WFDC11: variants seen among roughly 807,000 people sequenced by gnomAD.
The protein encoded by WFDC11 is protein WFDC11.
In WFDC11, 9 loss-of-function variants were observed where a neutral mutation model predicts 9.9. The observed-to-expected ratio is 0.91, with a 90% confidence interval of 0.55 to 1.58. The LOEUF (loss-of-function observed/expected upper bound fraction) is 1.58, where lower values mean the gene tolerates loss of function less well. Among genes scored for constraint, WFDC11 ranks in the 40% most tolerant of loss-of-function variants. The probability of loss-of-function intolerance (pLI) is 0.00; values close to 1 mark genes in which losing one functional copy is unlikely to be tolerated. For synonymous variants in WFDC11, 32 were observed against 33.3 expected (o/e 0.96, Z 0.13); for missense variants, 106 against 101.7 (o/e 1.04, Z -0.18).
chr20:45,648,748 C>A lies in WFDC11; in HGVS notation c.244-9G>T. 2 of 1,613,936 alleles carry A rather than the reference C, an allele frequency of 1.2e-6. No homozygotes were observed. The highest frequency in any genetic ancestry group is 1.7e-6 in the Non-Finnish European group (2 of 1,179,906). ...TAATCTCCACTGGTTTCCTGTAAAACAAAAAGGTTAGATTTTTAGAGGCTA... is the reference window on the plus strand; with the variant it reads ...TAATCTCCACTGGTTTCCTGTAAAAAAAAAAGGTTAGATTTTTAGAGGCTA... On this transcript the variant is annotated splice_polypyrimidine_tract_variant and intron_variant, in intron 4 of 4. Transcript: ENST00000324384.
rs1555803261 is a variant in WFDC11, at chr20:45,650,247, TAGAG to T, written c.100+250_100+253del. On this transcript the variant is annotated intron_variant, in intron 3 of 4. Transcript: ENST00000324384. ...ACACACACATGTGTTTGTATATATA[TAGAG>T]AGAGAGAGAGAGAGACAGAGAGAGA... Among the ~76,000 whole-genome samples, 13 of 148,816 alleles carry T rather than the reference TAGAG, an allele frequency of 8.7e-5. 1 individual carries two copies. The highest frequency in any genetic ancestry group is 2.5e-4 in the African/African-American group (10 of 40,358).
chr20:45,662,645 G>C (rs953866026), intron 2 of WFDC11, among the ~76,000 whole-genome samples: 1 of 152,124 alleles, frequency 6.6e-6, no homozygotes, highest in Non-Finnish European at 1.5e-5. Flanking sequence ...TTGAATTTTT[G>C]TCAAAGGCCT....
Position 45,650,551 on chromosome 20 carries a change from C to G in WFDC11, c.50G>C (p.Cys17Ser). ...TCCCAGCACAGACAGTAGCACCGTACAGAAGAATGTCATGAGCATGGGTAT... is the reference window on the plus strand; with the variant it reads ...TCCCAGCACAGACAGTAGCACCGTAGAGAAGAATGTCATGAGCATGGGTAT... ...LWIPMLMTFF[C>S]TVLLSVLGEM... The change falls in exon 3 of 5, where the codon TGT becomes TCT. Residue 17 changes from cysteine to serine, a missense_variant. Physicochemically the swap from Cys to Ser is moderately radical, Grantham distance 112. Transcript: ENST00000324384. The G allele has an allele frequency of 6.2e-7, 1 of 1,614,120 alleles. No homozygotes were observed. Among genetic ancestry groups the G allele is most frequent in the Non-Finnish European group, 8.5e-7 (1 of 1,180,032 alleles).
chr20:45,652,484 A>C (rs997576961), intron 2 of WFDC11, among the ~76,000 whole-genome samples: 1 of 152,218 alleles, frequency 6.6e-6, no homozygotes, highest in African/African-American at 2.4e-5. Context: ...AGATGGGGGA[A>C]AAACAGAGCA....
intron 2 of WFDC11, among the ~76,000 whole-genome samples, chr20:45,659,883 T>C (rs1600940259): frequency 6.6e-6 from 1 of 152,312 alleles, no homozygotes. Flanking sequence ...CTCGAGTTGA[T>C]TTTTGTATAA....
intron 2 of WFDC11, among the ~76,000 whole-genome samples, chr20:45,660,527 T>A (rs1240963715): frequency 6.6e-6 from 1 of 152,198 alleles, no homozygotes; most frequent in East Asian, 1.9e-4. Context: ...CACTCGTCAT[T>A]TAGCATTAGG....
At position 45,650,231 on chromosome 20, in the gene WFDC11, T is replaced by C. The variant is rs867126317; in HGVS notation, c.100+270A>G. ...ATATATACACACACACACACACACA[T>C]GTGTTTGTATATATATAGAGAGAGA... On this transcript the variant is annotated intron_variant, in intron 3 of 4. Transcript: ENST00000324384. Among the ~76,000 whole-genome samples the C allele has an allele frequency of 3.7e-4, 53 of 141,492 alleles. 1 individual carries two copies. In the Middle Eastern group the frequency reaches 0.014, roughly 38 times the overall value. The allele number at this position is 141,492 out of a possible 152,430, so 92.8% of individuals were successfully genotyped here.
intron 3 of WFDC11, among the ~76,000 whole-genome samples, chr20:45,650,253 G>T (rs35706549): frequency 0.34 from 50,732 of 150,486 alleles, 8,871 homozygotes; most frequent in East Asian, 0.59. Context: ...TATATAGAGA[G>T]AGAGAGAGAG....
At chr20:45,649,444 C>A in intron 3 of WFDC11, 45 bp from the exon 4 acceptor site, 1 of 1,598,558 alleles carries the variant, frequency 6.3e-7, no homozygotes, top group South Asian at 1.1e-5. Flanking sequence ...TATGTTTCAG[C>A]CAAGAGCGGA....
At chr20:45,659,632 G>C (rs1041677544) in intron 2 of WFDC11, among the ~76,000 whole-genome samples, 6 of 152,160 alleles carry the variant, frequency 3.9e-5, no homozygotes, top group African/African-American at 1.4e-4. Flanking sequence ...CAGACGGATA[G>C]ATTGCAACAT....
chr20:45,650,215 C>T (rs1982771374), intron 3 of WFDC11, among the ~76,000 whole-genome samples: 4 of 85,458 alleles, frequency 4.7e-5, no homozygotes, highest in Admixed American at 1.7e-4. Flanking sequence ...TATATATACA[C>T]ACACACACAC....
chr20:45,663,029 G>A (rs868201276), intron 2 of WFDC11, among the ~76,000 whole-genome samples: 14 of 152,250 alleles, frequency 9.2e-5, no homozygotes, highest in Non-Finnish European at 1.3e-4. Flanking sequence ...GGTAGAATTC[G>A]GCTGTGAATC....
chr20:45,651,238 A>G (rs1397045681), intron 2 of WFDC11, among the ~76,000 whole-genome samples: 2 of 152,236 alleles, frequency 1.3e-5, no homozygotes, highest in Non-Finnish European at 2.9e-5. Flanking sequence ...GCCCAGCACT[A>G]TTATACACCA....
At chr20:45,654,046 T>C (rs540751012) in intron 2 of WFDC11, among the ~76,000 whole-genome samples, 1 of 152,210 alleles carries the variant, frequency 6.6e-6, no homozygotes, top group Non-Finnish European at 1.5e-5. Context: ...AACAAGGATT[T>C]CCAGGAATTG....
At position 45,650,648 on chromosome 20, in the gene WFDC11, G is replaced by A. The variant is rs556486438; in HGVS notation, c.-48C>T. ...AGAAGGATTATTTTTCTTCCCAGTC[G>A]CTGCTAGAGATCAAGACATATAAAT... On this transcript the variant is annotated 5_prime_UTR_variant, in exon 3 of 5. Coordinates refer to ENST00000324384, the MANE Select transcript of WFDC11 (RefSeq NM_147197.2). 53 of 1,490,714 alleles carry A rather than the reference G, an allele frequency of 3.6e-5. No homozygotes were observed. Among genetic ancestry groups the A allele is most frequent in the Admixed American group, 8.4e-5 (5 of 59,698 alleles). The allele number at this position is 1,490,714 out of a possible 1,614,324, so 92.3% of individuals were successfully genotyped here.
chr20:45,661,466 G>A (rs1371116746), intron 2 of WFDC11, among the ~76,000 whole-genome samples: 2 of 151,850 alleles, frequency 1.3e-5, no homozygotes, highest in Non-Finnish European at 2.9e-5. Flanking sequence ...CATTGCTTTT[G>A]GCGTTTTAGA....
At chr20:45,661,835 T>C (rs1281651654) in intron 2 of WFDC11, among the ~76,000 whole-genome samples, 2 of 152,202 alleles carry the variant, frequency 1.3e-5, no homozygotes, top group African/African-American at 4.8e-5. Context: ...GTAGTATAGT[T>C]TGAAGTCAGG....
chr20:45,663,400 A>T (rs947212526), intron 2 of WFDC11, among the ~76,000 whole-genome samples: 1 of 151,824 alleles, frequency 6.6e-6, no homozygotes, highest in Admixed American at 6.6e-5. Flanking sequence ...TGATTTCTTG[A>T]AGTGTTTTTT....
intron 1 of WFDC11, 50 bp downstream of exon 1, chr20:45,670,128 A>C (rs1308428896): frequency 6.6e-6 from 1 of 151,970 alleles, no homozygotes; most frequent in Non-Finnish European, 1.5e-5. Flanking sequence ...GAAATTGAAC[A>C]GACCAATAAC....
Sources: allele counts gnomAD v4.1 joint callset (sites outside exome capture counted in the v4.1 genomes callset), GRCh38; gene constraint gnomAD v4.1.1; transcripts MANE v1.5; gene names NCBI Gene and HGNC (gene_info 2026-07-23, HGNC 2026-07-21).